Variants in KRT78 observed in about 807,000 individuals in gnomAD.
KRT78 encodes keratin 78, also known as keratin, type II cytoskeletal 78.
In KRT78, 55 loss-of-function variants were observed where a neutral mutation model predicts 51.4. The observed-to-expected ratio is 1.07, with a 90% CI of 0.86 to 1.34. The LOEUF (loss-of-function observed/expected upper bound fraction) is 1.34. Ranked by LOEUF, KRT78 falls within the 40% of genes most tolerant of loss-of-function variation. KRT78 has a pLI of 0.00. For synonymous variants in KRT78, 291 were observed against 264.3 expected (o/e 1.10, Z -0.98); for missense variants, 652 against 649.4 (o/e 1.00, Z -0.04).
intron 6 of KRT78, among the ~76,000 whole-genome samples, chr12:52,842,967 A>G (rs1477281641): frequency 3.0e-4 from 16 of 53,808 alleles, no homozygotes; most frequent in East Asian, 1.2e-3. Context: ...GAGAGGAAGG[A>G]AGGAAGGAAG....
In KRT78 at chr12:52,848,851, C is replaced by A. The variant is rs768898661; in HGVS notation, c.80G>T (p.Arg27Met). ...GCCGCCCCTGCTGCTGAAGCCTCCC[C>A]TGCTGCGGCCCCTTGAGCGAGCAGA... is the stretch of plus-strand genomic sequence containing the variant. ...ACSARSRGRS[R>M]GGFSSRGGFS... is the part of the protein sequence containing the mutation. The change falls in exon 1 of 9, where the codon AGG (arginine) becomes ATG (methionine). Residue 27 changes from arginine (R) to methionine (M), a missense_variant. Arg to Met is a moderately conservative substitution (Grantham distance 91, BLOSUM62 -1). Coordinates refer to ENST00000304620, the MANE Select transcript of KRT78 (RefSeq NM_173352.4). 4 of 1,612,918 alleles carry A rather than the reference C, an allele frequency of 2.5e-6. No individual in the cohort carries two copies. The African/African-American group carries it at 5.3e-5, about 22-fold the overall frequency.
In KRT78 at chr12:52,844,540, G is replaced by GC; in HGVS notation, c.921+18dup. ...ACCTAGCCATTTCCAGCATGGTGCT[G>GC]CCCCCCAGGTCCCACCACCTTGGTC... On this transcript the variant is annotated intron_variant, in intron 5 of 8. Coordinates refer to ENST00000304620, the MANE Select transcript of KRT78 (RefSeq NM_173352.4). The GC allele has an allele frequency of 2.5e-6, 4 of 1,606,632 alleles. No individual in the cohort carries two copies. The highest frequency in any genetic ancestry group is 1.7e-5 in the Admixed American group (1 of 59,284).
chr12:52,840,760 C>T lies in KRT78; in HGVS notation c.1048-776G>A, dbSNP rs550050737. ...AGATGGGAATGATGCAGCAATAAGA[C>T]GAAAAATGCCAAGGAGCTCCTGAAG... On this transcript the variant is annotated intron_variant, in intron 6 of 8. Transcript: ENST00000304620. 3.8e-4 allele frequency among the ~76,000 whole-genome samples: 58 copies of T among 152,124 alleles called. 1 individual carries two copies. In the South Asian group the frequency reaches 7.5e-3, roughly 20 times the overall value.
At chr12:52,846,637 C>A (rs141809193) in intron 3 of KRT78, 127 bp downstream of exon 3, 3 of 871,608 alleles carry the variant, frequency 3.4e-6, no homozygotes, top group Non-Finnish European at 3.7e-6. Context: ...TCCCAGGGGA[C>A]CCCTGCAGGT....
At chr12:52,840,496 T>C (rs539880642) in intron 6 of KRT78, among the ~76,000 whole-genome samples, 170 of 150,578 alleles carry the variant, frequency 1.1e-3, no homozygotes, top group African/African-American at 4.0e-3. Flanking sequence ...AGGTGAGGAG[T>C]TCGAGACAAT....
intron 3 of KRT78, 116 bp from the exon 4 acceptor site, chr12:52,846,408 C>T (rs1940644675): frequency 5.5e-6 from 4 of 729,406 alleles, no homozygotes; most frequent in Admixed American, 2.0e-5. Flanking sequence ...CCTCCCAAGA[C>T]CCCCTCCTTC....
intron 6 of KRT78, among the ~76,000 whole-genome samples, chr12:52,843,699 A>AAAAAAAG (rs1344490498): frequency 6.6e-6 from 1 of 150,804 alleles, no homozygotes; most frequent in East Asian, 1.9e-4. Context: ...AAAAAAAAAA[A>AAAAAAAG]AAAAAAGAAA....
At position 52,846,774 on chromosome 12, in the gene KRT78, A is replaced by T; in HGVS notation, c.650T>A (p.Val217Asp). ...RRATLENDFV[V>D]LKKDVDGVFL... ...GGCCCCCACCCTCACCTTCTTGAGG[A>T]CCACAAAGTCGTTCTCAAGTGTGGC... The change falls in exon 3 of 9, where the codon GTC becomes GAC. Residue 217 changes from valine to aspartate, a missense_variant. By Grantham distance (152) the Val-to-Asp change is radical. Transcript: ENST00000304620. The T allele has an allele frequency of 6.2e-7, 1 of 1,613,682 alleles. No individual in the cohort carries two copies. Among genetic ancestry groups the T allele is most frequent in the African/African-American group, 1.3e-5 (1 of 75,032 alleles).
Position 52,848,056 on chromosome 12 carries a change from C to T in KRT78, c.450G>A (p.Gly150=), listed in dbSNP as rs758189733. 14 of 1,614,224 alleles carry T rather than the reference C, an allele frequency of 8.7e-6. No homozygotes were observed. The highest frequency in any genetic ancestry group is 1.1e-5 in the Non-Finnish European group (13 of 1,180,022). ...ETKWHLLQQQ[G]LSGSQQGLEP... is the part of the protein sequence containing the mutation. The stretch of plus-strand genomic sequence containing the variant: ...CCAGGCCCTGCTGGCTGCCACTCAA[C>T]CCCTGTTGCTGCAGCAGATGCCACT... Residue 150 remains glycine (G), a synonymous_variant, in exon 2 of 9, where the codon GGG becomes GGA. Transcript: ENST00000304620.
chr12:52,847,179 G>A (rs1039927821), intron 2 of KRT78, among the ~76,000 whole-genome samples: 1 of 152,192 alleles, frequency 6.6e-6, no homozygotes, highest in African/African-American at 2.4e-5. Flanking sequence ...ACAAAGCAGA[G>A]CCAGCCCAGG....
Position 52,847,908 on chromosome 12 carries a change from T to C in KRT78, c.598A>G (p.Lys200Glu), listed in dbSNP as rs769727716. Residue 200 changes from lysine to glutamate, a missense_variant and splice_region_variant, in exon 2 of 9, where the codon AAG (lysine) becomes GAG (glutamate). Lys to Glu is a moderately conservative substitution (Grantham distance 56). Coordinates refer to ENST00000304620, the MANE Select transcript of KRT78 (RefSeq NM_173352.4). Reference sequence around the variant, plus strand: ...ATGGGGAAATTTCAGTGTGCCTACTTGGACTTATACTCCTCCTCCTGGTCC... The same window carrying C: ...ATGGGGAAATTTCAGTGTGCCTACTCGGACTTATACTCCTCCTCCTGGTCC... ...CRDQEEEYKS[K>E]YEEEAHRRAT... 2 of 1,613,894 alleles carry C rather than the reference T, an allele frequency of 1.2e-6. No homozygotes were observed.
At chr12:52,847,711 G>A (rs1012876926) in intron 2 of KRT78, among the ~76,000 whole-genome samples, 196 bp downstream of exon 2, 5 of 152,126 alleles carry the variant, frequency 3.3e-5, no homozygotes, top group Admixed American at 6.5e-5. Flanking sequence ...ATCTGCTTGG[G>A]GACTGCGGGA....
chr12:52,839,443 T>C lies in KRT78; in HGVS notation c.1303+10A>G, dbSNP rs574348241. ...TGGGGATCCCATCCCTAAAGTCCCC[T>C]GATACTCACAGATAGTGACCTGGCT... On this transcript the variant is annotated intron_variant, in intron 8 of 8. Transcript: ENST00000304620. The C allele has an allele frequency of 1.2e-6, 2 of 1,609,650 alleles. No homozygotes were observed. The highest frequency in any genetic ancestry group is 1.7e-6 in the Non-Finnish European group (2 of 1,178,092).
At chr12:52,845,931 C>T (rs1161658809) in intron 4 of KRT78, 5 of 419,448 alleles carry the variant, frequency 1.2e-5, no homozygotes, top group African/African-American at 8.4e-5. Flanking sequence ...CCAGCCTGGG[C>T]AACTGAGCAA....
At chr12:52,844,997 G>A (rs1362895761) in intron 4 of KRT78, among the ~76,000 whole-genome samples, 4 of 151,032 alleles carry the variant, frequency 2.6e-5, no homozygotes, top group Admixed American at 2.0e-4. Flanking sequence ...CACTCCTCAG[G>A]CCTCTTTTTT....
Position 52,847,965 on chromosome 12 carries a change from C to G in KRT78, c.541G>C (p.Gly181Arg). 6.2e-7 allele frequency: 1 copy of G among 1,614,238 alleles called. No individual in the cohort carries two copies. The highest frequency in any genetic ancestry group is 8.5e-7 in the Non-Finnish European group (1 of 1,180,038). ...GCCTTCAACTCAGCATCCAGAGCCC[C>G]TCGTTCTCCCTGGAGCTGCTCCAGC... ...KQLEQLQGERGALDAELKACR... is the reference protein window; with the variant it reads ...KQLEQLQGERRALDAELKACR... Residue 181 changes from glycine (G) to arginine (R), a missense_variant, in exon 2 of 9, where the codon GGG becomes CGG. Coordinates refer to ENST00000304620, the MANE Select transcript of KRT78 (RefSeq NM_173352.4).
Position 52,848,914 on chromosome 12 carries a change from C to A in KRT78, c.17G>T (p.Cys6Phe). Residue 6 changes from cysteine to phenylalanine, a missense_variant, in exon 1 of 9, where the codon TGC (cysteine) becomes TTC (phenylalanine). Coordinates refer to ENST00000304620, the MANE Select transcript of KRT78 (RefSeq NM_173352.4). Reference protein sequence around the residue: MSLSPCRAQRGFSARS... With the variant: MSLSPFRAQRGFSARS... Reference sequence around the variant, plus strand: ...AGCGCTGAAGCCCCTCTGGGCCCGGCATGGGGAGAGAGACATGGCAGAGAC... The same window carrying A: ...AGCGCTGAAGCCCCTCTGGGCCCGGAATGGGGAGAGAGACATGGCAGAGAC... 6.4e-7 allele frequency: 1 copy of A among 1,566,480 alleles called. No individual in the cohort carries two copies. Among genetic ancestry groups the A allele is most frequent in the Admixed American group, 1.9e-5 (1 of 53,656 alleles).
At chr12:52,845,009 T>A (rs546672351) in intron 4 of KRT78, among the ~76,000 whole-genome samples, 5 of 151,768 alleles carry the variant, frequency 3.3e-5, no homozygotes, top group African/African-American at 1.2e-4. Flanking sequence ...CTCTTTTTTT[T>A]TTCTTCTTCT....
chr12:52,846,747 C>G lies in KRT78; in HGVS notation c.660+17G>C, dbSNP rs769453698. ...GGATGCTCAGAACGTAAGTGGAGCACTGGCCCCCACCCTCACCTTCTTGAG... is the reference window on the plus strand; with the variant it reads ...GGATGCTCAGAACGTAAGTGGAGCAGTGGCCCCCACCCTCACCTTCTTGAG... On this transcript the variant is annotated intron_variant, in intron 3 of 8. Transcript: ENST00000304620. 1.2e-6 allele frequency: 2 copies of G among 1,611,650 alleles called. No individual in the cohort carries two copies. The highest frequency in any genetic ancestry group is 8.5e-7 in the Non-Finnish European group (1 of 1,178,238).
Sources: allele counts gnomAD v4.1 joint callset (sites outside exome capture counted in the v4.1 genomes callset), GRCh38; gene constraint gnomAD v4.1.1; transcripts MANE v1.5; gene names NCBI Gene and HGNC (gene_info 2026-07-23, HGNC 2026-07-21).